GMDS: variants seen among roughly 807,000 people sequenced by gnomAD.
GMDS encodes GDP-mannose 4,6 dehydratase.
A neutral mutation model predicts 49.9 loss-of-function variants in GMDS; 20 were observed. That is an observed-to-expected ratio of 0.40 (90% confidence interval 0.28 to 0.58). The LOEUF is 0.58. Ranked by LOEUF, GMDS falls within the 20% of genes least tolerant of loss-of-function variation. GMDS has a pLI of 0.42. For synonymous variants in GMDS, 177 were observed against 178.6 expected (o/e 0.99, Z 0.07); for missense variants, 362 against 481.4 (o/e 0.75, Z 2.32).
intron 4 of GMDS, among the ~76,000 whole-genome samples, chr6:2,019,296 CT>C (rs1246621816): frequency 6.6e-6 from 1 of 151,578 alleles, no homozygotes; most frequent in African/African-American, 2.4e-5. Flanking sequence ...TCTTTTGTTT[CT>C]TTTTCTTGCC....
chr6:2,096,079 G>A (rs1371741866), intron 4 of GMDS, among the ~76,000 whole-genome samples: 1 of 152,156 alleles, frequency 6.6e-6, no homozygotes, highest in Non-Finnish European at 1.5e-5. Flanking sequence ...GATAGGAAGA[G>A]GCATTTGACA....
chr6:1,865,278 T>C (rs1410618433), intron 7 of GMDS, among the ~76,000 whole-genome samples: 9 of 152,226 alleles, frequency 5.9e-5, no homozygotes, highest in Admixed American at 5.9e-4. Flanking sequence ...CCTAGCAGAT[T>C]TGTAATAGCA....
intron 1 of GMDS, among the ~76,000 whole-genome samples, chr6:2,180,946 T>C (rs1561636767): frequency 6.6e-6 from 1 of 151,974 alleles, no homozygotes; most frequent in Non-Finnish European, 1.5e-5. Context: ...GGCGGGCAGA[T>C]CATGAGGTCA....
intron 4 of GMDS, among the ~76,000 whole-genome samples, chr6:1,987,491 A>G (rs555922981): frequency 6.6e-6 from 1 of 152,290 alleles, no homozygotes; most frequent in African/African-American, 2.4e-5. Context: ...ATAGCGCAAC[A>G]CCTAAGGCCC....
intron 4 of GMDS, among the ~76,000 whole-genome samples, chr6:2,074,562 CT>C (rs1341649769): frequency 6.6e-6 from 1 of 152,130 alleles, no homozygotes; most frequent in African/African-American, 2.4e-5. Context: ...GCTTTGAGAT[CT>C]TAACCATAAA....
In GMDS at chr6:2,153,079, A is replaced by T. The variant is rs189687004; in HGVS notation, c.103-28348T>A. On this transcript the variant is annotated intron_variant, in intron 1 of 10. Coordinates refer to ENST00000380815, the MANE Select transcript of GMDS (RefSeq NM_001500.4). ...TCCTCAAAATAAATAAATAAATAAAAAAGACAAAAGTAGCATCTTTTAATC... is the reference window on the plus strand; with the variant it reads ...TCCTCAAAATAAATAAATAAATAAATAAGACAAAAGTAGCATCTTTTAATC... Among the ~76,000 whole-genome samples the T allele has an allele frequency of 2.7e-4, 41 of 152,282 alleles. 1 individual carries two copies. The highest frequency in any genetic ancestry group is 9.6e-4 in the East Asian group (5 of 5,186).
chr6:1,769,308 T>A (rs1433674168), intron 7 of GMDS, among the ~76,000 whole-genome samples: 1 of 152,222 alleles, frequency 6.6e-6, no homozygotes, highest in Non-Finnish European at 1.5e-5. Context: ...AATTCTGGAA[T>A]GTCCAATACT....
Position 1,836,360 on chromosome 6 carries a change from T to C in GMDS, c.771+93743A>G, listed in dbSNP as rs1373488283. On this transcript the variant is annotated intron_variant, in intron 7 of 10. Coordinates refer to ENST00000380815, the MANE Select transcript of GMDS (RefSeq NM_001500.4). This position sits in a 1 kb window ranked among gnomAD's most constrained non-coding sequence, Gnocchi z 4.2. ...TGCTCACAGATCGGCATATGTATGT[T>C]ACCACGTCACCATCAACTAAGCAAC... 6.6e-6 allele frequency among the ~76,000 whole-genome samples: 1 copy of C among 152,236 alleles called. No homozygotes were observed. The highest frequency in any genetic ancestry group is 2.4e-5 in the African/African-American group (1 of 41,462).
At chr6:1,662,419 TAGC>T (rs1764109340) in intron 9 of GMDS, among the ~76,000 whole-genome samples, 1 of 152,100 alleles carries the variant, frequency 6.6e-6, no homozygotes, top group Admixed American at 6.5e-5. Context: ...GGAGAAATGA[TAGC>T]AGCACCGTGT....
chr6:2,226,180 C>A lies in GMDS; in HGVS notation c.102+19141G>T, dbSNP rs184480961. 3.6e-3 allele frequency among the ~76,000 whole-genome samples: 546 copies of A among 152,334 alleles called. 1 individual carries two copies. The highest frequency in any genetic ancestry group is 6.1e-3 in the Non-Finnish European group (412 of 68,036). On this transcript the variant is annotated intron_variant, in intron 1 of 10. Transcript: ENST00000380815. Reference sequence around the variant, plus strand: ...GTTTTCACTCTCTTCTGGACACTCACCAACAATATACTTTAATTTTGTCAA... The same window carrying A: ...GTTTTCACTCTCTTCTGGACACTCAACAACAATATACTTTAATTTTGTCAA...
chr6:1,726,465 C>A lies in GMDS; in HGVS notation c.938G>T (p.Gly313Val). 1 of 1,613,846 alleles carries A rather than the reference C, an allele frequency of 6.2e-7. No individual in the cohort carries two copies. Among genetic ancestry groups the A allele is most frequent in the Non-Finnish European group, 8.5e-7 (1 of 1,179,668 alleles). Residue 313 changes from glycine (G) to valine (V), a missense_variant, in exon 9 of 11, where the codon GGC becomes GTC. Gly to Val is a moderately radical substitution (Grantham distance 109). Transcript: ENST00000380815. ...GAGATCCACAGTCACGTGAACTTTGCCGGTCTCTTTACATCTGCCCACTTC... is the reference window on the plus strand; with the variant it reads ...GAGATCCACAGTCACGTGAACTTTGACGGTCTCTTTACATCTGCCCACTTC... ...ENEVGRCKETGKVHVTVDLKY... is the reference protein window; with the variant it reads ...ENEVGRCKETVKVHVTVDLKY...
intron 7 of GMDS, among the ~76,000 whole-genome samples, chr6:1,815,789 G>C (rs1770638364): frequency 6.6e-6 from 1 of 152,164 alleles, no homozygotes; most frequent in Non-Finnish European, 1.5e-5. Context: ...TCTACAGAGA[G>C]CGTGCTGTCG....
intron 4 of GMDS, among the ~76,000 whole-genome samples, chr6:2,101,619 T>A (rs77466600): frequency 8.6e-4 from 131 of 152,046 alleles, no homozygotes; most frequent in Admixed American, 1.6e-3. Context: ...AAAGACGAAA[T>A]ATGAGCAATA....
intron 8 of GMDS, among the ~76,000 whole-genome samples, chr6:1,728,966 A>T (rs1474750140): frequency 4.6e-5 from 7 of 151,820 alleles, no homozygotes; most frequent in Non-Finnish European, 1.5e-5. Flanking sequence ...AACAAAAAAC[A>T]AAAAACCAAA....
At chr6:1,764,048 T>G (rs1372853450) in intron 7 of GMDS, among the ~76,000 whole-genome samples, 1 of 151,882 alleles carries the variant, frequency 6.6e-6, no homozygotes, top group East Asian at 1.9e-4. Flanking sequence ...CCGGTACATC[T>G]CCTCGTAGTG....
intron 6 of GMDS, among the ~76,000 whole-genome samples, chr6:1,957,009 G>T (rs1763675515): frequency 6.6e-6 from 1 of 151,910 alleles, no homozygotes; most frequent in Non-Finnish European, 1.5e-5. Flanking sequence ...CACCATGTTG[G>T]CCAGGCTGGT....
chr6:1,746,151 C>G (rs1308027924), intron 7 of GMDS, among the ~76,000 whole-genome samples: 1 of 152,230 alleles, frequency 6.6e-6, no homozygotes, highest in Non-Finnish European at 1.5e-5. Context: ...ACTCTGTGAT[C>G]AAATCGCCAC....
chr6:1,727,527 T>A (rs1561760899), intron 8 of GMDS, among the ~76,000 whole-genome samples: 2 of 152,090 alleles, frequency 1.3e-5, no homozygotes. Context: ...ATGAATCCTA[T>A]GGACACAGGA....
intron 9 of GMDS, among the ~76,000 whole-genome samples, chr6:1,709,409 G>A (rs571062020): frequency 6.0e-4 from 91 of 152,376 alleles, no homozygotes; most frequent in African/African-American, 2.1e-3. Flanking sequence ...CCTTGGGCAA[G>A]TCACTCGGCT....
Sources: allele counts gnomAD v4.1 joint callset (sites outside exome capture counted in the v4.1 genomes callset), GRCh38; gene constraint gnomAD v4.1.1; non-coding constraint Gnocchi (gnomAD v3.1); transcripts MANE v1.5; gene names NCBI Gene and HGNC (gene_info 2026-07-23, HGNC 2026-07-21).